Variants in DCC observed in about 807,000 individuals in gnomAD.
DCC encodes the protein DCC netrin 1 receptor.
Under a neutral mutation model 172.5 loss-of-function variants are expected in DCC, and 58 were observed. That is an observed-to-expected ratio of 0.34 (90% CI 0.27 to 0.42). The LOEUF (loss-of-function observed/expected upper bound fraction) is 0.42, where lower values mean the gene tolerates loss of function less well. DCC is among the 10% of genes least tolerant of loss of function. DCC has a pLI of 1.00. For synonymous variants in DCC, 709 were observed against 644.5 expected, an observed-to-expected ratio of 1.10 and a Z score of -1.52; for missense variants, 1,740 against 1,791.0, an observed-to-expected ratio of 0.97 and a Z score of 0.51.
intron 17 of DCC, among the ~76,000 whole-genome samples, chr18:53,393,217 T>C (rs10164052): frequency 0.42 from 64,587 of 152,032 alleles, 15,481 homozygotes; most frequent in Non-Finnish European, 0.55. Flanking sequence ...GTAAGCTTGC[T>C]TCTCTCTCCC....
intron 1 of DCC, among the ~76,000 whole-genome samples, chr18:52,437,206 A>T (rs1987824369): frequency 6.6e-6 from 1 of 152,218 alleles, no homozygotes; most frequent in Non-Finnish European, 1.5e-5. Flanking sequence ...CCAAATGGGG[A>T]AGACATCTCC....
chr18:52,946,099 C>G (rs758863873), intron 5 of DCC, among the ~76,000 whole-genome samples: 3 of 151,996 alleles, frequency 2.0e-5, no homozygotes, highest in Non-Finnish European at 4.4e-5. Flanking sequence ...ATATAGTCAT[C>G]ACCTCTTCCA....
At chr18:52,443,459 C>A (rs1296971955) in intron 1 of DCC, among the ~76,000 whole-genome samples, 1 of 151,968 alleles carries the variant, frequency 6.6e-6, no homozygotes, top group Non-Finnish European at 1.5e-5. Flanking sequence ...GTTTGTGGGA[C>A]TACCAACAAC....
chr18:53,187,666 G>A (rs2055303825), intron 9 of DCC, among the ~76,000 whole-genome samples: 1 of 152,048 alleles, frequency 6.6e-6, no homozygotes, highest in Non-Finnish European at 1.5e-5. Flanking sequence ...TGTAATATAT[G>A]GTGAATTTTA....
At chr18:52,349,366 C>T (rs1057013326) in intron 1 of DCC, among the ~76,000 whole-genome samples, 4 of 152,156 alleles carry the variant, frequency 2.6e-5, no homozygotes, top group African/African-American at 9.7e-5. Context: ...CCCTCTGCAC[C>T]CAGAGTCCTC....
chr18:52,371,733 G>A (rs922002753), intron 1 of DCC, among the ~76,000 whole-genome samples: 2 of 152,196 alleles, frequency 1.3e-5, no homozygotes, highest in African/African-American at 4.8e-5. Context: ...CTCTTCGAAT[G>A]AATCTATCAA....
chr18:52,527,750 A>AT (rs2032025825), intron 1 of DCC, among the ~76,000 whole-genome samples: 1 of 152,182 alleles, frequency 6.6e-6, no homozygotes, highest in African/African-American at 2.4e-5. Context: ...CCTGAGATTA[A>AT]TTTTGTTCTA....
At chr18:52,538,155 T>G (rs1296885157) in intron 1 of DCC, among the ~76,000 whole-genome samples, 1 of 152,134 alleles carries the variant, frequency 6.6e-6, no homozygotes, top group Non-Finnish European at 1.5e-5. Flanking sequence ...ATCCCAATCT[T>G]CCTCCGAAGT....
rs140485644 is a variant in DCC at position 53,530,686 on chromosome 18, C to T, written c.*33C>T. On this transcript the variant is annotated 3_prime_UTR_variant, in exon 29 of 29. Transcript: ENST00000442544. The stretch of plus-strand genomic sequence containing the variant: ...TTCTGAATGGATGAGGTGAATTTTC[C>T]GGGAACTTTGCAGCATACCAATTAC... 3.5e-4 allele frequency: 436 copies of T among 1,228,184 alleles called. 1 individual carries two copies. In the African/African-American group the frequency reaches 5.5e-3, roughly 16 times the overall value. The allele number at this position is 1,228,184 out of a possible 1,614,324, so 76.1% of individuals were successfully genotyped here.
chr18:53,420,673 TG>T (rs1297657960), intron 21 of DCC, among the ~76,000 whole-genome samples: 1 of 152,174 alleles, frequency 6.6e-6, no homozygotes, highest in African/African-American at 2.4e-5. Context: ...CCTATTGGAT[TG>T]GGGCCCTACC....
At chr18:52,991,840 G>A (rs2041397305) in intron 5 of DCC, among the ~76,000 whole-genome samples, 1 of 152,130 alleles carries the variant, frequency 6.6e-6, no homozygotes, top group Admixed American at 6.6e-5. Flanking sequence ...AACATTTATG[G>A]TATGCCAGGA....
At chr18:53,200,419 T>C (rs1385556648) in intron 9 of DCC, among the ~76,000 whole-genome samples, 6 of 152,206 alleles carry the variant, frequency 3.9e-5, no homozygotes, top group Non-Finnish European at 8.8e-5. Flanking sequence ...TTTGTAACTG[T>C]ATATAAAATC....
At chr18:52,708,208 G>A (rs926913945) in intron 1 of DCC, among the ~76,000 whole-genome samples, 6 of 152,210 alleles carry the variant, frequency 3.9e-5, no homozygotes, top group Middle Eastern at 3.4e-3. Context: ...TTGGGAGGCC[G>A]AGATGGATGG....
intron 1 of DCC, among the ~76,000 whole-genome samples, chr18:52,619,530 G>T (rs2144856775): frequency 6.6e-6 from 1 of 152,224 alleles, no homozygotes; most frequent in East Asian, 1.9e-4. Context: ...ATTTTCCCTT[G>T]AGTATGGGTG....
At chr18:53,409,422 G>A (rs61462336) in intron 19 of DCC, among the ~76,000 whole-genome samples, 2,596 of 152,220 alleles carry the variant, frequency 0.017, 64 homozygotes, top group African/African-American at 0.058. Flanking sequence ...AATAGAATGA[G>A]GGACACTTAT....
rs1555660825 is a variant in DCC at position 53,375,616 on chromosome 18, C to CCTTTTTTTTTT, written c.2360-10427_2360-10426insCTTTTTTTTTT. 5.7e-5 allele frequency among the ~76,000 whole-genome samples: 7 copies of CCTTTTTTTTTT among 123,086 alleles called. 1 individual carries two copies. Among genetic ancestry groups the CCTTTTTTTTTT allele is most frequent in the Non-Finnish European group, 8.2e-5 (5 of 61,226 alleles). The allele number at this position is 123,086 out of a possible 152,430, so 80.7% of individuals were successfully genotyped here. The stretch of plus-strand genomic sequence containing the variant: ...CAATGTTACCACCTTATATTTAATT[C>CCTTTTTTTTTT]TTTTTTTTTTTTTTTTTTTGAGAAA... On this transcript the variant is annotated intron_variant, in intron 15 of 28. Transcript: ENST00000442544.
intron 24 of DCC, among the ~76,000 whole-genome samples, chr18:53,465,491 C>T (rs1170846897): frequency 6.6e-6 from 1 of 152,090 alleles, no homozygotes; most frequent in Non-Finnish European, 1.5e-5. Flanking sequence ...CCTCTCACTA[C>T]TTCTAAGATT....
chr18:52,566,922 T>A lies in DCC; in HGVS notation c.92-185132T>A, dbSNP rs551446743. 8.5e-5 allele frequency among the ~76,000 whole-genome samples: 13 copies of A among 152,288 alleles called. 1 individual carries two copies. In the South Asian group the frequency reaches 2.7e-3, roughly 32 times the overall value. ...AATGGATGAAGTTATAAACAAGCTA[T>A]ATGATAAAACTTCTAGAATGCCTAA... On this transcript the variant is annotated intron_variant, in intron 1 of 28. Transcript: ENST00000442544.
chr18:52,978,761 C>G (rs991687268), intron 5 of DCC, among the ~76,000 whole-genome samples: 9 of 152,276 alleles, frequency 5.9e-5, no homozygotes, highest in African/African-American at 2.2e-4. Context: ...CATTGTATCA[C>G]TCTGTATGCC....
Sources: allele counts gnomAD v4.1 joint callset (sites outside exome capture counted in the v4.1 genomes callset), GRCh38; gene constraint gnomAD v4.1.1; transcripts MANE v1.5; gene names NCBI Gene and HGNC (gene_info 2026-07-23, HGNC 2026-07-21).